Variants in PPP2R5A observed in about 807,000 individuals in gnomAD.
PPP2R5A encodes the protein protein phosphatase 2 regulatory subunit B'alpha.
A neutral mutation model predicts 64.2 loss-of-function variants in PPP2R5A; 25 were observed. The observed-to-expected ratio is 0.39, with a 90% CI of 0.28 to 0.54. PPP2R5A has a LOEUF of 0.54. Among genes scored for constraint, PPP2R5A ranks in the 20% least tolerant of loss-of-function variants. PPP2R5A has a pLI of 0.67. For synonymous variants in PPP2R5A, 198 were observed against 201.2 expected (o/e 0.98, Z 0.13); for missense variants, 425 against 576.3 (o/e 0.74, Z 2.69).
chr1:212,320,784 C>T (rs1206178738), intron 1 of PPP2R5A, among the ~76,000 whole-genome samples: 39 of 139,734 alleles, frequency 2.8e-4, no homozygotes, highest in Admixed American at 1.4e-4. Context: ...CCTCACCTCC[C>T]GGATGGTGCG....
intron 11 of PPP2R5A, 79 bp from the exon 12 acceptor site, chr1:212,358,600 GCTTTAAC>G (rs1268478220): frequency 1.0e-6 from 1 of 977,764 alleles, no homozygotes; most frequent in Non-Finnish European, 1.5e-6. Context: ...AATCAGCCAA[GCTTTAAC>G]CCATTTTAGA....
At chr1:212,315,759 A>AT (rs1659138948) in intron 1 of PPP2R5A, among the ~76,000 whole-genome samples, 1 of 151,982 alleles carries the variant, frequency 6.6e-6, no homozygotes, top group Admixed American at 6.6e-5. Flanking sequence ...TGTGTGTTTT[A>AT]TTTTTTTAAA....
Position 212,309,623 on chromosome 1 carries a change from A to T in PPP2R5A, c.182-19512A>T, listed in dbSNP as rs116410315. The T allele has an allele frequency of 5.5e-3, 3,126 of 568,526 alleles. 64 individuals are homozygous for T. Among genetic ancestry groups the T allele is most frequent in the African/African-American group, 0.048 (2,527 of 52,992 alleles). The allele number at this position is 568,526 out of a possible 1,614,324, so 35.2% of individuals were successfully genotyped here. A position where few individuals can be genotyped will look rare whatever the true frequency, so the allele number is the denominator to read the frequency against. On this transcript the variant is annotated intron_variant, in intron 1 of 12. Transcript: ENST00000261461. Reference sequence around the variant, plus strand: ...ATTCTGTTAAATCCAACATACGGTCACTCTCACAGGCAGGTTCTACAACCT... The same window carrying T: ...ATTCTGTTAAATCCAACATACGGTCTCTCTCACAGGCAGGTTCTACAACCT...
At chr1:212,289,575 G>A (rs768558917) in intron 1 of PPP2R5A, among the ~76,000 whole-genome samples, 5 of 152,174 alleles carry the variant, frequency 3.3e-5, no homozygotes, top group Non-Finnish European at 7.4e-5. Flanking sequence ...GGTCTCTGGG[G>A]TTAGTCCTGG....
At chr1:212,309,694 C>T (rs1013368795) in intron 1 of PPP2R5A, among the ~76,000 whole-genome samples, 3 of 151,998 alleles carry the variant, frequency 2.0e-5, no homozygotes, top group African/African-American at 7.3e-5. Flanking sequence ...TTTCTTTGTG[C>T]GTTTTGTTAT....
intron 3 of PPP2R5A, among the ~76,000 whole-genome samples, chr1:212,340,369 T>C (rs1659666921): frequency 1.3e-5 from 2 of 152,164 alleles, no homozygotes; most frequent in South Asian, 4.1e-4. Context: ...TTTTGTGTAG[T>C]GAATGGGCTT....
At position 212,357,052 on chromosome 1, in the gene PPP2R5A, T is replaced by G. The variant is rs772523863; in HGVS notation, c.1081T>G (p.Ser361Ala). ...PLFKQISKCV[S>A]SSHFQVAERA... ...TTTCAAGCAGATATCCAAGTGTGTA[T>G]CCAGTTCTCATTTTCAGGTATGATG... The change falls in exon 10 of 13, where the codon TCC becomes GCC. Residue 361 changes from serine (S) to alanine (A), a missense_variant. Physicochemically the swap from Ser to Ala is moderately conservative, Grantham distance 99. This residue lies in a region of PPP2R5A where 177 missense variants were observed against 244.8 expected (regional missense o/e 0.72). Transcript: ENST00000261461. The G allele has an allele frequency of 1.2e-6, 2 of 1,609,922 alleles. No homozygotes were observed. The highest frequency in any genetic ancestry group is 1.7e-6 in the Non-Finnish European group (2 of 1,178,560).
chr1:212,290,195 G>A (rs1016916883), intron 1 of PPP2R5A, among the ~76,000 whole-genome samples: 2 of 152,214 alleles, frequency 1.3e-5, no homozygotes, highest in African/African-American at 4.8e-5. Flanking sequence ...GTTGATTGCA[G>A]TGCTTCCTTA....
intron 1 of PPP2R5A, among the ~76,000 whole-genome samples, chr1:212,320,821 C>T (rs1231296377): frequency 7.3e-6 from 1 of 136,534 alleles, no homozygotes; most frequent in Non-Finnish European, 1.6e-5. Context: ...GCTGACCCCC[C>T]CACCTCCCTC....
chr1:212,323,438 T>C (rs909211723), intron 1 of PPP2R5A, among the ~76,000 whole-genome samples: 1 of 152,256 alleles, frequency 6.6e-6, no homozygotes, highest in Non-Finnish European at 1.5e-5. Flanking sequence ...AGACATTATA[T>C]ACTTAATGGG....
intron 3 of PPP2R5A, among the ~76,000 whole-genome samples, chr1:212,335,362 C>T (rs1373976448): frequency 1.3e-5 from 2 of 151,810 alleles, no homozygotes; most frequent in Non-Finnish European, 2.9e-5. Context: ...GTAATCCCAA[C>T]TACTCAGGAG....
chr1:212,333,405 T>C, intron 2 of PPP2R5A, 92 bp from the exon 3 acceptor site: 1 of 771,464 alleles, frequency 1.3e-6, no homozygotes, highest in South Asian at 3.4e-5. Context: ...CTATAACTTT[T>C]TTCTGAAAGT....
At chr1:212,310,025 TC>T (rs1658999183) in intron 1 of PPP2R5A, among the ~76,000 whole-genome samples, 1 of 152,200 alleles carries the variant, frequency 6.6e-6, no homozygotes, top group Non-Finnish European at 1.5e-5. Context: ...CTGATCTTGT[TC>T]CTCAGAGAGG....
intron 1 of PPP2R5A, among the ~76,000 whole-genome samples, chr1:212,295,223 T>G (rs1658670498): frequency 6.6e-6 from 1 of 152,108 alleles, no homozygotes; most frequent in African/African-American, 2.4e-5. Context: ...AGACAAGAGA[T>G]AAAGGTGCTT....
intron 1 of PPP2R5A, among the ~76,000 whole-genome samples, chr1:212,319,947 GTT>G (rs71137742): frequency 0.032 from 3,308 of 103,306 alleles, 159 homozygotes; most frequent in African/African-American, 0.12. Context: ...CTTACAGATT[GTT>G]TTTTTTTTTT....
At chr1:212,347,222 A>C in intron 5 of PPP2R5A, 125 bp from the exon 6 acceptor site, 1 of 685,358 alleles carries the variant, frequency 1.5e-6, no homozygotes, top group Non-Finnish European at 2.5e-6. Flanking sequence ...TGCTTATAAG[A>C]CCCAAAACAT....
chr1:212,335,525 C>T (rs954142982), intron 3 of PPP2R5A, among the ~76,000 whole-genome samples: 2 of 151,448 alleles, frequency 1.3e-5, no homozygotes, highest in Non-Finnish European at 2.9e-5. Flanking sequence ...CATTCTATGT[C>T]GTTTGGGATA....
At chr1:212,358,647 G>T in intron 11 of PPP2R5A, 39 bp from the exon 12 acceptor site, 1 of 1,417,510 alleles carries the variant, frequency 7.1e-7, no homozygotes. Flanking sequence ...CTCTCTGTTA[G>T]CAGTATCATA....
chr1:212,315,604 A>G (rs1313567252), intron 1 of PPP2R5A, among the ~76,000 whole-genome samples: 1 of 152,234 alleles, frequency 6.6e-6, no homozygotes, highest in African/African-American at 2.4e-5. Flanking sequence ...CTAATATTGA[A>G]TGAGTCATTG....
Sources: allele counts gnomAD v4.1 joint callset (sites outside exome capture counted in the v4.1 genomes callset), GRCh38; gene constraint gnomAD v4.1.1; regional missense constraint gnomAD v4.1.1; transcripts MANE v1.5; gene names NCBI Gene and HGNC (gene_info 2026-07-23, HGNC 2026-07-21).